Variants in ROBO1 observed in about 807,000 individuals in gnomAD.
ROBO1 encodes roundabout guidance receptor 1, also known as roundabout homolog 1.
A neutral mutation model predicts 195.9 loss-of-function variants in ROBO1; 149 were observed. That is an observed-to-expected ratio of 0.76 (90% CI 0.67 to 0.87). ROBO1 has a LOEUF of 0.87. ROBO1 is among the 40% of genes least tolerant of loss of function. The pLI, the probability that ROBO1 is intolerant of heterozygous loss-of-function variation, is 0.00. For synonymous variants in ROBO1, 816 were observed against 733.2 expected (o/e 1.11, Z -1.82); for missense variants, 1,933 against 2,068.3 (o/e 0.93, Z 1.27).
chr3:79,456,043 T>C (rs1360189446), intron 2 of ROBO1, among the ~76,000 whole-genome samples: 2 of 152,170 alleles, frequency 1.3e-5, no homozygotes, highest in East Asian at 3.9e-4. Context: ...AAGCTGCTTT[T>C]GGTGTTCATG....
chr3:78,977,206 T>C (rs2076902201), intron 3 of ROBO1, among the ~76,000 whole-genome samples: 1 of 152,100 alleles, frequency 6.6e-6, no homozygotes, highest in African/African-American at 2.4e-5. Flanking sequence ...CTCATCTCAG[T>C]CTATCTTTTT....
intron 21 of ROBO1, among the ~76,000 whole-genome samples, chr3:78,644,626 T>C (rs1706163983): frequency 6.6e-6 from 1 of 152,186 alleles, no homozygotes; most frequent in South Asian, 2.1e-4. Flanking sequence ...TTTTGTGATA[T>C]AGTGAGCTTT....
At chr3:79,626,497 T>C (rs1945185660) in intron 1 of ROBO1, among the ~76,000 whole-genome samples, 1 of 152,060 alleles carries the variant, frequency 6.6e-6, no homozygotes, top group African/African-American at 2.4e-5. Flanking sequence ...ATGGACCATA[T>C]CTCAAAATAG....
At chr3:79,504,495 GAT>G (rs796385786) in intron 2 of ROBO1, among the ~76,000 whole-genome samples, 38 of 152,196 alleles carry the variant, frequency 2.5e-4, no homozygotes, top group African/African-American at 9.1e-4. Context: ...TAAATTGAAA[GAT>G]ATATTTTTTA....
chr3:79,292,547 T>C (rs919192283), intron 2 of ROBO1, among the ~76,000 whole-genome samples: 5 of 152,214 alleles, frequency 3.3e-5, no homozygotes, highest in Non-Finnish European at 5.9e-5. Flanking sequence ...TAGAGATATG[T>C]TCCATCAATA....
In ROBO1 at chr3:78,961,331, C is replaced by T. The variant is rs149575277; in HGVS notation, c.173-22404G>A. On this transcript the variant is annotated intron_variant, in intron 3 of 30. Coordinates refer to ENST00000464233, the MANE Select transcript of ROBO1 (RefSeq NM_002941.4). ...CAAGGAGATGGTCAAGATGACACTACTACCTTGTATAACCCACAGAATGCT... is the reference window on the plus strand; with the variant it reads ...CAAGGAGATGGTCAAGATGACACTATTACCTTGTATAACCCACAGAATGCT... Among the ~76,000 whole-genome samples the T allele has an allele frequency of 7.4e-3, 1,128 of 152,298 alleles. 19 individuals are homozygous for T. Among genetic ancestry groups the T allele is most frequent in the African/African-American group, 0.023 (975 of 41,552 alleles).
chr3:79,059,628 A>G (rs1225930569), intron 3 of ROBO1, among the ~76,000 whole-genome samples: 1 of 152,066 alleles, frequency 6.6e-6, no homozygotes, highest in Non-Finnish European at 1.5e-5. Context: ...TAATACTTTT[A>G]TAATTTCTTA....
At chr3:78,962,971 A>G (rs1012925828) in intron 3 of ROBO1, among the ~76,000 whole-genome samples, 1 of 151,876 alleles carries the variant, frequency 6.6e-6, no homozygotes, top group African/African-American at 2.4e-5. Flanking sequence ...GAAGTAGTTT[A>G]GCAGACATTA....
intron 3 of ROBO1, among the ~76,000 whole-genome samples, chr3:79,100,994 G>GT (rs143337794): frequency 9.2e-5 from 14 of 151,818 alleles, no homozygotes; most frequent in African/African-American, 2.9e-4. Flanking sequence ...GAGAGGTGGT[G>GT]TTTTTTTCCT....
At chr3:78,777,503 A>T (rs1441475386) in intron 4 of ROBO1, among the ~76,000 whole-genome samples, 1 of 152,202 alleles carries the variant, frequency 6.6e-6, no homozygotes, top group Non-Finnish European at 1.5e-5. Flanking sequence ...TGATAGATAT[A>T]ATGTAAACCA....
chr3:79,023,556 C>T (rs1390824193), intron 3 of ROBO1, among the ~76,000 whole-genome samples: 1 of 151,988 alleles, frequency 6.6e-6, no homozygotes, highest in East Asian at 1.9e-4. Flanking sequence ...GTTTGCTTCT[C>T]TGCTACTTAA....
intron 4 of ROBO1, among the ~76,000 whole-genome samples, chr3:78,905,115 A>T (rs2037824287): frequency 6.6e-6 from 1 of 152,188 alleles, no homozygotes; most frequent in African/African-American, 2.4e-5. Context: ...GGAATAATAT[A>T]GAAACACCAG....
chr3:78,947,332 C>T (rs1296869135), intron 3 of ROBO1, among the ~76,000 whole-genome samples: 1 of 152,138 alleles, frequency 6.6e-6, no homozygotes. Context: ...TCTCTCAGAC[C>T]ACAGTGCAAT....
intron 2 of ROBO1, among the ~76,000 whole-genome samples, chr3:79,454,143 T>TG (rs1272483951): frequency 1.3e-5 from 2 of 151,798 alleles, no homozygotes; most frequent in South Asian, 2.1e-4. Flanking sequence ...TTTTTTTTTT[T>TG]TTCTCCAAAA....
chr3:79,671,147 A>C (rs1475657761), intron 1 of ROBO1, among the ~76,000 whole-genome samples: 2 of 151,880 alleles, frequency 1.3e-5, no homozygotes, highest in Non-Finnish European at 2.9e-5. Flanking sequence ...TTTAAGAGTT[A>C]CCACCTGTAA....
chr3:79,537,718 C>A (rs1191452589), intron 2 of ROBO1, among the ~76,000 whole-genome samples: 1 of 151,794 alleles, frequency 6.6e-6, no homozygotes, highest in Admixed American at 6.6e-5. Context: ...GGGAACATCA[C>A]ACACGGGGTC....
chr3:79,422,291 A>C (rs1274801014), intron 2 of ROBO1, among the ~76,000 whole-genome samples: 1 of 151,646 alleles, frequency 6.6e-6, no homozygotes, highest in Admixed American at 6.6e-5. Flanking sequence ...CAACTAAGTT[A>C]AGCACTTTAA....
In ROBO1 at chr3:78,665,832, A is replaced by T. The variant is rs1413840301; in HGVS notation, c.1966+2051T>A. Among the ~76,000 whole-genome samples, 4 of 152,180 alleles carry T rather than the reference A, an allele frequency of 2.6e-5. No individual in the cohort carries two copies. The East Asian group carries it at 7.7e-4, about 29-fold the overall frequency. ...GAGGAGCTGAAATTTAAAAAAAAAAAGTCTTTGATTTCACAACTGTATGCC... is the reference window on the plus strand; with the variant it reads ...GAGGAGCTGAAATTTAAAAAAAAAATGTCTTTGATTTCACAACTGTATGCC... On this transcript the variant is annotated intron_variant, in intron 14 of 30. Coordinates refer to ENST00000464233, the MANE Select transcript of ROBO1 (RefSeq NM_002941.4).
At chr3:79,427,500 G>T (rs73848879) in intron 2 of ROBO1, among the ~76,000 whole-genome samples, 2,120 of 152,218 alleles carry the variant, frequency 0.014, 40 homozygotes, top group African/African-American at 0.047. Flanking sequence ...CCAATTGTGG[G>T]TTGAGATAAC....
Sources: gnomAD v4.1 joint callset for allele counts (sites outside exome capture counted in the v4.1 genomes callset) on GRCh38, gnomAD v4.1.1 for gene constraint, MANE v1.5 for transcripts, NCBI Gene and HGNC (gene_info 2026-07-23, HGNC 2026-07-21) for gene names.